Variants in IGSF21 observed in about 807,000 individuals in gnomAD.
The protein encoded by IGSF21 is immunoglobulin superfamily member 21.
A neutral mutation model predicts 46.8 loss-of-function variants in IGSF21; 28 were observed. The observed-to-expected ratio is 0.60, with a 90% CI of 0.44 to 0.82. The LOEUF (loss-of-function observed/expected upper bound fraction) is 0.82. IGSF21 is among the 40% of genes least tolerant of loss of function. The pLI is 0.00. For synonymous variants in IGSF21, 284 were observed against 273.6 expected, an observed-to-expected ratio of 1.04 and a Z score of -0.38; for missense variants, 624 against 665.5, an observed-to-expected ratio of 0.94 and a Z score of 0.69.
At position 18,365,672 on chromosome 1, in the gene IGSF21, G is replaced by A; in HGVS notation, c.990G>A (p.Met330Ile). The change falls in exon 6 of 10, where the codon ATG becomes ATA. Residue 330 changes from methionine to isoleucine, a missense_variant. Coordinates refer to ENST00000251296, the MANE Select transcript of IGSF21 (RefSeq NM_032880.5). This position sits in a 1 kb window ranked among gnomAD's most constrained non-coding sequence, Gnocchi z 4.8. ...AGGTCAAGCACCCAGCTCTGTCGATGCCCATGCAGGCAGAGGTCACGCTGG... is the reference window on the plus strand; with the variant it reads ...AGGTCAAGCACCCAGCTCTGTCGATACCCATGCAGGCAGAGGTCACGCTGG... ...SCEVKHPALS[M>I]PMQAEVTLVA... 6.2e-7 allele frequency: 1 copy of A among 1,613,510 alleles called. No individual in the cohort carries two copies. The highest frequency in any genetic ancestry group is 8.5e-7 in the Non-Finnish European group (1 of 1,179,548).
At chr1:18,206,296 C>T (rs1221028455) in intron 1 of IGSF21, among the ~76,000 whole-genome samples, 1 of 152,108 alleles carries the variant, frequency 6.6e-6, no homozygotes, top group East Asian at 1.9e-4. Flanking sequence ...TGCCTGCAAT[C>T]CCAGCACTTT....
intron 1 of IGSF21, among the ~76,000 whole-genome samples, chr1:18,121,489 C>T (rs764553620): frequency 6.6e-6 from 1 of 152,040 alleles, no homozygotes; most frequent in Non-Finnish European, 1.5e-5. Flanking sequence ...CTAATTTTGT[C>T]CGTTGAAATT....
At chr1:18,367,650 C>T (rs1470220801) in intron 6 of IGSF21, among the ~76,000 whole-genome samples, 13 of 142,658 alleles carry the variant, frequency 9.1e-5, no homozygotes, top group Non-Finnish European at 1.7e-4. Flanking sequence ...CTGTCACACC[C>T]AGGCTGGAGT....
intron 1 of IGSF21, among the ~76,000 whole-genome samples, chr1:18,194,187 A>C (rs1391210491): frequency 6.6e-6 from 1 of 152,230 alleles, no homozygotes; most frequent in Non-Finnish European, 1.5e-5. Flanking sequence ...ACAAAACAGC[A>C]GTTCTCTGCT....
At chr1:18,263,997 G>C (rs2084968975) in intron 2 of IGSF21, among the ~76,000 whole-genome samples, 1 of 152,146 alleles carries the variant, frequency 6.6e-6, no homozygotes, top group Non-Finnish European at 1.5e-5. Context: ...AATCTTCCCT[G>C]GAAAGTGACA....
Position 18,206,479 on chromosome 1 carries a change from T to C in IGSF21, c.71-21419T>C, listed in dbSNP as rs534717761. Among the ~76,000 whole-genome samples, 9 of 151,070 alleles carry C rather than the reference T, an allele frequency of 6.0e-5. No homozygotes were observed. The East Asian group carries it at 1.8e-3, about 29-fold the overall frequency. On this transcript the variant is annotated intron_variant, in intron 1 of 9. Coordinates refer to ENST00000251296, the MANE Select transcript of IGSF21 (RefSeq NM_032880.5). ...TGGGAGGATTGCTTGAGCCCACGAGTTCAAGGCTGCGGCGAGCCATGATCG... is the reference window on the plus strand; with the variant it reads ...TGGGAGGATTGCTTGAGCCCACGAGCTCAAGGCTGCGGCGAGCCATGATCG...
Position 18,365,352 on chromosome 1 carries a change from A to T in IGSF21, c.670A>T (p.Lys224Ter). 1 of 1,614,034 alleles carries T rather than the reference A, an allele frequency of 6.2e-7. No individual in the cohort carries two copies. Among genetic ancestry groups the T allele is most frequent in the Non-Finnish European group, 8.5e-7 (1 of 1,179,986 alleles). ...SLLHRDLDDT[K>*]MQKSLSLLDA... ...TCTGCACCGTGACCTGGATGACACC[A>T]AGATGCAGAAGTCACTGTCCCTCCT... Residue 224 changes from lysine to a stop codon, truncating the protein, a stop_gained, in exon 6 of 10, where the codon AAG becomes TAG. Transcript: ENST00000251296. LOFTEE classifies it high-confidence loss of function. The surrounding 1 kb of genome is among the most constrained non-coding windows in gnomAD (Gnocchi z 4.8).
chr1:18,273,504 C>CTTTCTTTCTTTCTTTCTTTCTTTCTT (rs2085070884), intron 2 of IGSF21, among the ~76,000 whole-genome samples: 1 of 62,832 alleles, frequency 1.6e-5, no homozygotes, highest in South Asian at 6.3e-4. Context: ...TTCTTTCTTT[C>CTTTCTTTCTTTCTTTCTTTCTTTCTT]TTTCTTTCTT....
At chr1:18,146,581 C>A (rs2086468970) in intron 1 of IGSF21, among the ~76,000 whole-genome samples, 1 of 152,148 alleles carries the variant, frequency 6.6e-6, no homozygotes, top group Non-Finnish European at 1.5e-5. Flanking sequence ...CCTCCACTCC[C>A]TTAGGGGAGA....
intron 1 of IGSF21, among the ~76,000 whole-genome samples, chr1:18,192,969 A>AC (rs2086972188): frequency 6.6e-6 from 1 of 152,046 alleles, no homozygotes; most frequent in African/African-American, 2.4e-5. Flanking sequence ...ATAAGGCAAC[A>AC]CTGGAATCCT....
At chr1:18,164,231 T>C (rs796630402) in intron 1 of IGSF21, among the ~76,000 whole-genome samples, 16 of 152,234 alleles carry the variant, frequency 1.1e-4, no homozygotes, top group African/African-American at 3.9e-4. Context: ...GAGTTGAGAT[T>C]TCAGCCTGGG....
At position 18,378,422 on chromosome 1, in the gene IGSF21, T is replaced by A; in HGVS notation, c.*96T>A. ...ATTTCCAGTCTTGTTCTTAGTCTCT[T>A]TCCATCTGTGTCTTGGCTTCTTCAG... On this transcript the variant is annotated 3_prime_UTR_variant, in exon 10 of 10. Coordinates refer to ENST00000251296, the MANE Select transcript of IGSF21 (RefSeq NM_032880.5). The A allele has an allele frequency of 9.5e-7, 1 of 1,054,956 alleles. No homozygotes were observed. 65.3% of individuals were successfully genotyped at this position (1,054,956 alleles called of 1,614,324 possible).
intron 1 of IGSF21, among the ~76,000 whole-genome samples, chr1:18,206,379 A>G (rs1257990353): frequency 6.6e-6 from 1 of 151,974 alleles, no homozygotes; most frequent in Non-Finnish European, 1.5e-5. Context: ...TGACACCCTC[A>G]TCTCTACAAG....
chr1:18,327,935 A>G (rs1398133696), intron 3 of IGSF21, among the ~76,000 whole-genome samples: 2 of 152,236 alleles, frequency 1.3e-5, no homozygotes, highest in Non-Finnish European at 2.9e-5. Flanking sequence ...ATCCCAGGAG[A>G]CATTTAGCAT....
chr1:18,246,246 G>A (rs949369761), intron 2 of IGSF21, among the ~76,000 whole-genome samples: 1 of 152,064 alleles, frequency 6.6e-6, no homozygotes, highest in Non-Finnish European at 1.5e-5. Context: ...GTCACTAAGA[G>A]GCTGATGGCA....
intron 6 of IGSF21, 36 bp from the exon 7 acceptor site, chr1:18,376,274 C>T (rs1248417973): frequency 2.1e-6 from 3 of 1,419,518 alleles, no homozygotes; most frequent in African/African-American, 2.8e-5. Flanking sequence ...CCCTCCTTTC[C>T]TTACTCTCTC....
At chr1:18,120,296 C>T (rs2086223835) in intron 1 of IGSF21, among the ~76,000 whole-genome samples, 1 of 152,210 alleles carries the variant, frequency 6.6e-6, no homozygotes, top group Non-Finnish European at 1.5e-5. Flanking sequence ...AGCCAGGCGG[C>T]CCTGTGTAGA....
chr1:18,347,631 C>T (rs145650350), intron 4 of IGSF21, among the ~76,000 whole-genome samples: 15 of 152,292 alleles, frequency 9.8e-5, no homozygotes, highest in Middle Eastern at 3.4e-3. Context: ...ACTCTCCTTC[C>T]GTGGGGATCT....
intron 1 of IGSF21, among the ~76,000 whole-genome samples, chr1:18,159,230 C>T (rs1167752215): frequency 6.6e-6 from 1 of 152,234 alleles, no homozygotes; most frequent in Non-Finnish European, 1.5e-5. Flanking sequence ...GTAGGCTGGA[C>T]TTGTCTGCTG....
Sources: gnomAD v4.1 joint callset for allele counts (sites outside exome capture counted in the v4.1 genomes callset) on GRCh38, gnomAD v4.1.1 for gene constraint, Gnocchi (gnomAD v3.1) non-coding constraint, MANE v1.5 for transcripts, NCBI Gene and HGNC (gene_info 2026-07-23, HGNC 2026-07-21) for gene names.